TDRD6: variants seen among roughly 807,000 people sequenced by gnomAD.
TDRD6 encodes the protein tudor domain-containing protein 6.
TDRD6 carries 186 observed loss-of-function variants against 157.5 expected under a neutral mutation model. That is an observed-to-expected ratio of 1.18 (90% CI 1.05 to 1.33). The LOEUF (loss-of-function observed/expected upper bound fraction) is 1.33, where lower values mean the gene tolerates loss of function less well. TDRD6 is among the 40% of genes most tolerant of loss of function. The probability of loss-of-function intolerance (pLI) is 0.00; values close to 1 mark genes in which losing one functional copy is unlikely to be tolerated. For synonymous variants in TDRD6, 1,075 were observed against 945.2 expected (o/e 1.14, Z -2.52); for missense variants, 3,066 against 2,508.0 (o/e 1.22, Z -4.75).
chr6:46,684,322 T>A (rs1425570499), upstream of TDRD6, among the ~76,000 whole-genome samples: 1 of 152,078 alleles, frequency 6.6e-6, no homozygotes, highest in African/African-American at 2.4e-5. Context: ...TTGACATTGG[T>A]ACAATCCACA....
Position 46,688,287 on chromosome 6 carries a change from G to A in TDRD6, c.159G>A (p.Ala53=). 1.3e-6 allele frequency: 2 copies of A among 1,497,870 alleles called. No individual in the cohort carries two copies. The highest frequency in any genetic ancestry group is 1.3e-5 in the South Asian group (1 of 78,412). 92.8% of individuals were successfully genotyped at this position (1,497,870 alleles called of 1,614,324 possible). A position where few individuals can be genotyped will look rare whatever the true frequency, so the allele number is the denominator to read the frequency against. ...GGCTGAGCCGGGAAATCCAGGAAGC[G>A]GCGGCCACGCGCGGCCAGTGGGCGC... ...YLRLSREIQE[A]AATRGQWALG... is the part of the protein sequence containing the mutation. The change falls in exon 1 of 4, where the codon GCG becomes GCA. Residue 53 remains alanine, a synonymous_variant. Coordinates refer to ENST00000316081, the MANE Select transcript of TDRD6 (RefSeq NM_001010870.3).
intron 3 of TDRD6, among the ~76,000 whole-genome samples, chr6:46,700,691 C>A (rs932301309): frequency 6.6e-6 from 1 of 152,088 alleles, no homozygotes; most frequent in African/African-American, 2.4e-5. Flanking sequence ...GCCCCTTGAA[C>A]AATGATGTCC....
Position 46,688,166 on chromosome 6 carries a change from C to A in TDRD6, c.38C>A (p.Ser13Ter). 6.5e-7 allele frequency: 1 copy of A among 1,546,946 alleles called. No homozygotes were observed. Residue 13 changes from serine to a stop codon, truncating the protein, a stop_gained, in exon 1 of 4, where the codon TCG becomes TAG. Coordinates refer to ENST00000316081, the MANE Select transcript of TDRD6 (RefSeq NM_001010870.3). LOFTEE classifies it high-confidence loss of function. ...STPGMPAPGA[S>*]LALRVSFVDV... ...CCCGGAATGCCGGCGCCGGGGGCCTCGCTGGCCCTGCGGGTGTCCTTCGTG... is the reference window on the plus strand; with the variant it reads ...CCCGGAATGCCGGCGCCGGGGGCCTAGCTGGCCCTGCGGGTGTCCTTCGTG...
intron 2 of TDRD6, 98 bp from the exon 3 acceptor site, chr6:46,697,900 A>C: frequency 1.7e-6 from 1 of 578,280 alleles, no homozygotes. Flanking sequence ...AATAATAATA[A>C]TAATAATAGT....
chr6:46,692,495 A>T lies in TDRD6; in HGVS notation c.4367A>T (p.Asp1456Val). 1 of 1,613,820 alleles carries T rather than the reference A, an allele frequency of 6.2e-7. No individual in the cohort carries two copies. Among genetic ancestry groups the T allele is most frequent in the Non-Finnish European group, 8.5e-7 (1 of 1,180,014 alleles). ...AIRCEFVKFQ[D>V]RWEVILADEH... is the part of the protein sequence containing the mutation. ...AGATGTGAATTTGTTAAATTTCAAGACAGATGGGAAGTTATTCTTGCTGAT... is the reference window on the plus strand; with the variant it reads ...AGATGTGAATTTGTTAAATTTCAAGTCAGATGGGAAGTTATTCTTGCTGAT... Residue 1456 changes from aspartate to valine, a missense_variant, in exon 1 of 4, where the codon GAC becomes GTC. Transcript: ENST00000316081.
In TDRD6 at chr6:46,690,305, C is replaced by A. The variant is rs763525992; in HGVS notation, c.2177C>A (p.Thr726Lys). The A allele has an allele frequency of 1.2e-6, 2 of 1,613,318 alleles. No homozygotes were observed. Among genetic ancestry groups the A allele is most frequent in the African/African-American group, 1.3e-5 (1 of 74,920 alleles). ...TTSVSKALSDTTVVTNGSTEL... is the reference protein window; with the variant it reads ...TTSVSKALSDKTVVTNGSTEL... ...TCTGTTTCAAAAGCTTTGAGTGACA[C>A]AACAGTTGTAACAAATGGTTCAACT... Residue 726 changes from threonine (T) to lysine (K), a missense_variant, in exon 1 of 4, where the codon ACA becomes AAA. Physicochemically the swap from Thr to Lys is moderately conservative, Grantham distance 78. Coordinates refer to ENST00000316081, the MANE Select transcript of TDRD6 (RefSeq NM_001010870.3).
chr6:46,700,484 AT>A (rs1764597630), intron 3 of TDRD6, among the ~76,000 whole-genome samples: 1 of 152,116 alleles, frequency 6.6e-6, no homozygotes, highest in African/African-American at 2.4e-5. Context: ...TAGGAATCTA[AT>A]TACTTTTTTT....
chr6:46,688,724 G>A lies in TDRD6; in HGVS notation c.596G>A (p.Arg199Gln). The change falls in exon 1 of 4, where the codon CGG becomes CAG. Residue 199 changes from arginine to glutamine, a missense_variant. Physicochemically the swap from Arg to Gln is conservative, Grantham distance 43. Transcript: ENST00000316081. ...QQMRELGLAR[R>Q]VPDSLFRSLL... ...ATGCGGGAGCTGGGCCTGGCTCGGC[G>A]GGTGCCCGACAGCCTCTTCCGTTCG... 6.3e-7 allele frequency: 1 copy of A among 1,599,600 alleles called. No individual in the cohort carries two copies. The highest frequency in any genetic ancestry group is 8.5e-7 in the Non-Finnish European group (1 of 1,179,104).
Position 46,690,010 on chromosome 6 carries a change from G to T in TDRD6, c.1882G>T (p.Glu628Ter). ...SFFKKTVLHKELVIHILDKQD... is the reference protein window; with the variant it reads ...SFFKKTVLHK Reference sequence around the variant, plus strand: ...TTTTAAAAAGACTGTGCTCCACAAAGAATTAGTCATCCATATTCTTGATAA... The same window carrying T: ...TTTTAAAAAGACTGTGCTCCACAAATAATTAGTCATCCATATTCTTGATAA... Residue 628 changes from glutamate (E) to a stop codon, truncating the protein, a stop_gained, in exon 1 of 4, where the codon GAA becomes TAA. Transcript: ENST00000316081. LOFTEE classifies it high-confidence loss of function. 1 of 1,613,798 alleles carries T rather than the reference G, an allele frequency of 6.2e-7. No homozygotes were observed. Among genetic ancestry groups the T allele is most frequent in the Non-Finnish European group, 8.5e-7 (1 of 1,179,854 alleles).
At position 46,693,070 on chromosome 6, in the gene TDRD6, CAA is replaced by C. The variant is rs754170655; in HGVS notation, c.4943_4944del (p.Gln1648ArgfsTer4). 5.6e-6 allele frequency: 9 copies of C among 1,613,670 alleles called. No individual in the cohort carries two copies. Among genetic ancestry groups the C allele is most frequent in the Non-Finnish European group, 7.6e-6 (9 of 1,179,970 alleles). On this transcript the variant is annotated frameshift_variant, in exon 1 of 4. Coordinates refer to ENST00000316081, the MANE Select transcript of TDRD6 (RefSeq NM_001010870.3). LOFTEE classifies it high-confidence loss of function. Reference protein sequence around the residue: ...GFNISEGLCSQEGNDYFYEII... With the variant: ...GFNISEGLCSXEGNDYFYEII... Reference sequence around the variant, plus strand: ...TAACATTTCAGAAGGATTATGTTCTCAAGAGGGAAATGACTATTTCTATGAAA... The same window carrying C: ...TAACATTTCAGAAGGATTATGTTCTCGAGGGAAATGACTATTTCTATGAAA...
chr6:46,702,068 T>A lies in TDRD6; in HGVS notation c.*181T>A, dbSNP rs1390100600. 3 of 571,342 alleles carry A rather than the reference T, an allele frequency of 5.3e-6. No individual in the cohort carries two copies. In the East Asian group the frequency reaches 8.5e-5, roughly 16 times the overall value. The allele number at this position is 571,342 out of a possible 1,614,324, so 35.4% of individuals were successfully genotyped here. On this transcript the variant is annotated 3_prime_UTR_variant, in exon 4 of 4. Transcript: ENST00000316081. The stretch of plus-strand genomic sequence containing the variant: ...TCTCAGGTTGATGGTGGGGTGTGTT[T>A]ATAGTGATCCTGTTATATATACAGA...
At position 46,688,963 on chromosome 6, in the gene TDRD6, C is replaced by A; in HGVS notation, c.835C>A (p.Leu279Ile). 1.2e-6 allele frequency: 2 copies of A among 1,613,344 alleles called. No homozygotes were observed. Among genetic ancestry groups the A allele is most frequent in the Non-Finnish European group, 1.7e-6 (2 of 1,179,522 alleles). ...LRSVSQEIHR[L>I]SESMAQVYRG... is the part of the protein sequence containing the mutation. ...CAGCGTCTCGCAGGAGATCCACCGC[C>A]TCTCCGAGAGCATGGCCCAGGTATA... Residue 279 changes from leucine to isoleucine, a missense_variant, in exon 1 of 4, where the codon CTC becomes ATC. Leu to Ile is a conservative substitution (Grantham distance 5). Transcript: ENST00000316081.
In TDRD6 at chr6:46,694,060, G is replaced by C. The variant is rs759254603; in HGVS notation, c.5932G>C (p.Glu1978Gln). 14 of 1,613,742 alleles carry C rather than the reference G, an allele frequency of 8.7e-6. No individual in the cohort carries two copies. In the East Asian group the frequency reaches 1.8e-4, roughly 21 times the overall value. The part of the protein sequence containing the change: ...TQNEMNICEE[E>Q]FVEYKNRDAI... ...GAATGAAATGAATATATGTGAAGAA[G>C]AATTTGTAGAGTATAAAAACAGGGA... Residue 1978 changes from glutamate to glutamine, a missense_variant, in exon 1 of 4, where the codon GAA (glutamate) becomes CAA (glutamine). By Grantham distance (29) the Glu-to-Gln change is conservative. Coordinates refer to ENST00000316081, the MANE Select transcript of TDRD6 (RefSeq NM_001010870.3).
intron 2 of TDRD6, among the ~76,000 whole-genome samples, chr6:46,697,434 CTT>C (rs759054493): frequency 6.6e-6 from 1 of 152,158 alleles, no homozygotes; most frequent in Non-Finnish European, 1.5e-5. Flanking sequence ...GCTTAGAGGT[CTT>C]TTCTCCACTA....
In TDRD6 at chr6:46,693,911, G is replaced by A. The variant is rs771038626; in HGVS notation, c.5783G>A (p.Ser1928Asn). The part of the protein sequence containing the change: ...DKMDPLSLGV[S>N]QKAQESMCTE... ...ATGGATCCTTTGTCTTTAGGAGTTA[G>A]TCAGAAAGCACAGGAATCCATGTGT... The change falls in exon 1 of 4, where the codon AGT (serine) becomes AAT (asparagine). Residue 1928 changes from serine to asparagine, a missense_variant. Ser to Asn is a conservative substitution (Grantham distance 46, BLOSUM62 1). Coordinates refer to ENST00000316081, the MANE Select transcript of TDRD6 (RefSeq NM_001010870.3). The A allele has an allele frequency of 6.8e-6, 11 of 1,614,130 alleles. No homozygotes were observed. Among genetic ancestry groups the A allele is most frequent in the Admixed American group, 3.3e-5 (2 of 60,026 alleles).
At chr6:46,696,474 G>GTATATATA (rs1286889467) in intron 2 of TDRD6, among the ~76,000 whole-genome samples, 6 of 131,512 alleles carry the variant, frequency 4.6e-5, no homozygotes, top group African/African-American at 1.7e-4. Flanking sequence ...GTATATGTGT[G>GTATATATA]TATATATATA....
chr6:46,689,982 C>CT lies in TDRD6; in HGVS notation c.1860dup (p.Lys621Ter). 6.2e-7 allele frequency: 1 copy of CT among 1,613,274 alleles called. No homozygotes were observed. The highest frequency in any genetic ancestry group is 8.5e-7 in the Non-Finnish European group (1 of 1,179,686). ...AAACTTGGAGCCAGGAGGCAGTTTC[C>CT]TTTTTTAAAAAGACTGTGCTCCACA... On this transcript the variant is annotated frameshift_variant, in exon 1 of 4. Transcript: ENST00000316081. LOFTEE classifies it high-confidence loss of function.
rs1303499089 is a variant in TDRD6 at position 46,691,739 on chromosome 6, C to T, written c.3611C>T (p.Pro1204Leu). The change falls in exon 1 of 4, where the codon CCT becomes CTT. Residue 1204 changes from proline (P) to leucine (L), a missense_variant. Transcript: ENST00000316081. ...YLSKSVGYKL[P>L]NKEILEESYK... ...AGTAAATCAGTAGGGTACAAGTTACCTAATAAAGAAATTTTGGAAGAGTCA... is the reference window on the plus strand; with the variant it reads ...AGTAAATCAGTAGGGTACAAGTTACTTAATAAAGAAATTTTGGAAGAGTCA... 9.4e-6 allele frequency: 15 copies of T among 1,592,160 alleles called. No individual in the cohort carries two copies. Among genetic ancestry groups the T allele is most frequent in the African/African-American group, 1.4e-5 (1 of 73,224 alleles).
intron 3 of TDRD6, among the ~76,000 whole-genome samples, chr6:46,700,684 C>T (rs1412970974): frequency 6.6e-6 from 1 of 152,008 alleles, no homozygotes; most frequent in East Asian, 1.9e-4. Context: ...AATAACAGCC[C>T]CTTGAACAAT....
Sources: allele counts gnomAD v4.1 joint callset (sites outside exome capture counted in the v4.1 genomes callset), GRCh38; gene constraint gnomAD v4.1.1; transcripts MANE v1.5; gene names NCBI Gene and HGNC (gene_info 2026-07-23, HGNC 2026-07-21).